Variants in C5orf47 observed in about 807,000 individuals in gnomAD.
C5orf47 encodes the protein chromosome 5 open reading frame 47, also known as uncharacterized protein C5orf47.
Under a neutral mutation model 20.6 loss-of-function variants are expected in C5orf47, and 20 were observed. The ratio of observed to expected loss-of-function variants is 0.97; its 90% CI spans 0.68 to 1.41. The LOEUF (loss-of-function observed/expected upper bound fraction) is 1.41. Ranked by LOEUF, C5orf47 falls within the 40% of genes most tolerant of loss-of-function variation. The probability of loss-of-function intolerance (pLI) is 0.00; values close to 1 mark genes in which losing one functional copy is unlikely to be tolerated. For synonymous variants in C5orf47, 106 were observed against 97.3 expected (o/e 1.09, Z -0.53); for missense variants, 262 against 238.4 (o/e 1.10, Z -0.65).
At chr5:173,992,238 T>TC (rs2113358684) in intron 1 of C5orf47, among the ~76,000 whole-genome samples, 1 of 151,704 alleles carries the variant, frequency 6.6e-6, no homozygotes, top group East Asian at 1.9e-4. Flanking sequence ...GTTAATTTTT[T>TC]TTTTTTTTTT....
At chr5:174,002,385 A>G (rs541447523) in intron 4 of C5orf47, among the ~76,000 whole-genome samples, 38 of 152,304 alleles carry the variant, frequency 2.5e-4, no homozygotes, top group Middle Eastern at 3.4e-3. Context: ...GTATACTGAG[A>G]TAGTATTTCA....
chr5:173,989,302 G>A lies in C5orf47; in HGVS notation c.39G>A (p.Ala13=), dbSNP rs1016350906. 1 of 1,401,278 alleles carries A rather than the reference G, an allele frequency of 7.1e-7. No homozygotes were observed. Among genetic ancestry groups the A allele is most frequent in the Non-Finnish European group, 9.3e-7 (1 of 1,072,374 alleles). The allele number at this position is 1,401,278 out of a possible 1,614,324, so 86.8% of individuals were successfully genotyped here. A position where few individuals can be genotyped will look rare whatever the true frequency, so the allele number is the denominator to read the frequency against. ...AAGRGREQDS[A]RFVYVTRFGS... ...GCCGGGGTCGGGAGCAGGACTCGGC[G>A]CGCTTCGTCTATGTGACGCGCTTCG... Residue 13 remains alanine (A), a synonymous_variant, in exon 1 of 5, where the codon GCG becomes GCA. Coordinates refer to ENST00000340147, the MANE Select transcript of C5orf47 (RefSeq NM_001144954.2).
intron 2 of C5orf47, 72 bp downstream of exon 2, chr5:173,998,310 G>A (rs1759136451): frequency 1.3e-6 from 1 of 790,684 alleles, no homozygotes; most frequent in African/African-American, 1.8e-5. Context: ...AATGTGTAAA[G>A]ATATTCAAGA....
At chr5:173,989,813 TG>T (rs1758954135) in intron 1 of C5orf47, among the ~76,000 whole-genome samples, 1 of 152,224 alleles carries the variant, frequency 6.6e-6, no homozygotes, top group Non-Finnish European at 1.5e-5. Context: ...GGTTGTTGAA[TG>T]GAGCCTTTAC....
chr5:174,007,129 A>G (rs1173832712), downstream of C5orf47, among the ~76,000 whole-genome samples: 2 of 149,780 alleles, frequency 1.3e-5, no homozygotes, highest in Admixed American at 6.6e-5. Flanking sequence ...ATTGGAATTG[A>G]TATACCTGGC....
chr5:173,999,309 A>C (rs1307614857), intron 2 of C5orf47, among the ~76,000 whole-genome samples: 2 of 152,198 alleles, frequency 1.3e-5, no homozygotes, highest in Non-Finnish European at 2.9e-5. Context: ...AACTGGAATA[A>C]AATATGTTTA....
Position 173,998,245 on chromosome 5 carries a change from T to G in C5orf47, c.411+7T>G, listed in dbSNP as rs115860502. The G allele has an allele frequency of 9.1e-3, 12,992 of 1,433,398 alleles. 153 individuals carry two copies. Among genetic ancestry groups the G allele is most frequent in the East Asian group, 0.061 (2,459 of 40,294 alleles). 88.8% of individuals were successfully genotyped at this position (1,433,398 alleles called of 1,614,324 possible). A position where few individuals can be genotyped will look rare whatever the true frequency, so the allele number is the denominator to read the frequency against. Reference sequence around the variant, plus strand: ...AATGAAGAAAAAGAAAAAGGTATATTGCTGTAAAGGAGAATGAGCAATATT... The same window carrying G: ...AATGAAGAAAAAGAAAAAGGTATATGGCTGTAAAGGAGAATGAGCAATATT... On this transcript the variant is annotated splice_region_variant and intron_variant, in intron 2 of 4. Coordinates refer to ENST00000340147, the MANE Select transcript of C5orf47 (RefSeq NM_001144954.2).
chr5:173,989,497 C>T lies in C5orf47; in HGVS notation c.234C>T (p.Pro78=), dbSNP rs1019745510. The change falls in exon 1 of 5, where the codon CCC becomes CCT. Residue 78 remains proline (P), a synonymous_variant. Coordinates refer to ENST00000340147, the MANE Select transcript of C5orf47 (RefSeq NM_001144954.2). The part of the protein sequence containing the change: ...ELPLGSQLRV[P]TTPGVEAAAS... ...CCCTCGGTTCCCAGCTCAGGGTCCC[C>T]ACGACCCCTGGTGTGGAGGCTGCGG... The T allele has an allele frequency of 2.6e-6, 4 of 1,545,958 alleles. No homozygotes were observed. Among genetic ancestry groups the T allele is most frequent in the Non-Finnish European group, 3.5e-6 (4 of 1,145,108 alleles).
rs939981338 is a variant in C5orf47 at position 174,005,751 on chromosome 5, A to T, written c.*1497A>T. 9.8e-5 allele frequency: 15 copies of T among 152,330 alleles called. No individual in the cohort carries two copies. The highest frequency in any genetic ancestry group is 3.6e-4 in the African/African-American group (15 of 41,436). 9.4% of individuals were successfully genotyped at this position (152,330 alleles called of 1,614,324 possible). On this transcript the variant is annotated 3_prime_UTR_variant, in exon 5 of 5. Transcript: ENST00000340147. ...TGTATGAGAGTTTTAGGTTTGCTTCAATGTATGTTTATATTTATGTGACTT... is the reference window on the plus strand; with the variant it reads ...TGTATGAGAGTTTTAGGTTTGCTTCTATGTATGTTTATATTTATGTGACTT...
chr5:173,990,293 T>G (rs1415315337), intron 1 of C5orf47, among the ~76,000 whole-genome samples: 2 of 110,252 alleles, frequency 1.8e-5, no homozygotes, highest in Admixed American at 9.6e-5. Flanking sequence ...TTTTATCTTT[T>G]GTAGACATGG....
At position 174,001,212 on chromosome 5, in the gene C5orf47, A is replaced by G. The variant is rs999638996; in HGVS notation, c.528A>G (p.Arg176=). The G allele has an allele frequency of 4.0e-6, 6 of 1,513,484 alleles. No individual in the cohort carries two copies. Among genetic ancestry groups the G allele is most frequent in the Admixed American group, 2.0e-5 (1 of 49,152 alleles). The allele number at this position is 1,513,484 out of a possible 1,614,324, so 93.8% of individuals were successfully genotyped here. Residue 176 remains arginine (R), a synonymous_variant, in exon 4 of 5, where the codon AGA becomes AGG. Transcript: ENST00000340147. ...TGTTTGCAGGCTCAAATTACACAAG[A>G]TGAATCTTCTTATCTTCTGGTAAGA... ...RLSSESSNYT[R]
rs190473800 is a variant in C5orf47, at chr5:173,994,996, A to G, written c.326-3157A>G. Among the ~76,000 whole-genome samples the G allele has an allele frequency of 3.9e-4, 60 of 152,104 alleles. No individual in the cohort carries two copies. In the East Asian group the frequency reaches 4.5e-3, roughly 11 times the overall value. On this transcript the variant is annotated intron_variant, in intron 1 of 4. Transcript: ENST00000340147. ...GCCTGGCTGATTTTGTATTTTTAGT[A>G]GAGATGGGATTTCAACATGTAGGCC...
In C5orf47 at chr5:173,989,464, C is replaced by T. The variant is rs1275178423; in HGVS notation, c.201C>T (p.Ser67=). 8 of 1,549,200 alleles carry T rather than the reference C, an allele frequency of 5.2e-6. No homozygotes were observed. The highest frequency in any genetic ancestry group is 3.6e-5 in the South Asian group (3 of 83,726). Residue 67 remains serine (S), a synonymous_variant, in exon 1 of 5, where the codon AGC becomes AGT. Transcript: ENST00000340147. ...CGGTGGCGGGCGTTCAGGGTGGCAG[C>T]GAGCTGCCCCTCGGTTCCCAGCTCA... ...AMAVAGVQGG[S]ELPLGSQLRV...
At chr5:173,999,968 G>A (rs961448863) in intron 3 of C5orf47, among the ~76,000 whole-genome samples, 169 bp downstream of exon 3, 4 of 151,866 alleles carry the variant, frequency 2.6e-5, no homozygotes, top group Non-Finnish European at 5.9e-5. Flanking sequence ...GAAGTACAGA[G>A]CACCTGCAAG....
At chr5:173,999,637 C>T in intron 2 of C5orf47, 63 bp from the exon 3 acceptor site, 1 of 720,184 alleles carries the variant, frequency 1.4e-6, no homozygotes, top group Non-Finnish European at 2.2e-6. Context: ...TCCCAGTTGC[C>T]TCCATGAAAA....
At chr5:174,001,096 A>C (rs1280728037) in intron 3 of C5orf47, 100 bp from the exon 4 acceptor site, 1 of 747,206 alleles carries the variant, frequency 1.3e-6, no homozygotes, top group African/African-American at 1.8e-5. Context: ...TTATGTTTAA[A>C]AATGTATTAT....
At chr5:173,997,155 A>G (rs1759113211) in intron 1 of C5orf47, among the ~76,000 whole-genome samples, 5 of 152,186 alleles carry the variant, frequency 3.3e-5, no homozygotes, top group Admixed American at 3.3e-4. Context: ...GATAAATCCT[A>G]TGATACCTGA....
chr5:173,989,720 A>G, intron 1 of C5orf47, 132 bp downstream of exon 1: 2 of 823,154 alleles, frequency 2.4e-6, no homozygotes, highest in Non-Finnish European at 3.4e-6. Context: ...TGTTGCGAGC[A>G]CGCGCAGGGG....
chr5:173,993,486 C>T (rs1004242800), intron 1 of C5orf47, among the ~76,000 whole-genome samples: 12 of 152,106 alleles, frequency 7.9e-5, no homozygotes, highest in African/African-American at 2.4e-4. Context: ...GCCAAAAATA[C>T]AAAAATTAGC....
Sources: allele counts gnomAD v4.1 joint callset (sites outside exome capture counted in the v4.1 genomes callset), GRCh38; gene constraint gnomAD v4.1.1; transcripts MANE v1.5; gene names NCBI Gene and HGNC (gene_info 2026-07-23, HGNC 2026-07-21).